The following DYNC1H1 variants were observed in gnomAD, a reference collection of about 807,000 sequenced individuals.
The protein encoded by DYNC1H1 is cytoplasmic dynein 1 heavy chain 1.
In DYNC1H1, 51 loss-of-function variants were observed where a neutral mutation model predicts 527.1. The ratio of observed to expected loss-of-function variants is 0.10; its 90% confidence interval spans 0.08 to 0.12. The LOEUF (loss-of-function observed/expected upper bound fraction) is 0.12. Among genes scored for constraint, DYNC1H1 ranks in the 10% least tolerant of loss-of-function variants. The pLI is 1.00. For missense variants in DYNC1H1, 2,771 were observed against 5,971.8 expected, an observed-to-expected ratio of 0.46 and a Z score of 17.66; for synonymous variants, 2,189 against 2,278.8, an observed-to-expected ratio of 0.96 and a Z score of 1.12.
Position 102,010,643 on chromosome 14 carries a change from T to C in DYNC1H1, c.6406-97T>C. Reference sequence around the variant, plus strand: ...GTGGGCGAGTGGTGCTCGCACCCTTTGTTCACCAACAGTTACTGATCACGC... The same window carrying C: ...GTGGGCGAGTGGTGCTCGCACCCTTCGTTCACCAACAGTTACTGATCACGC... On this transcript the variant is annotated intron_variant, in intron 31 of 77. Coordinates refer to ENST00000360184, the MANE Select transcript of DYNC1H1 (RefSeq NM_001376.5). The surrounding 1 kb of genome is among the most constrained non-coding windows in gnomAD (Gnocchi z 6.0). 2 of 1,554,728 alleles carry C rather than the reference T, an allele frequency of 1.3e-6. No individual in the cohort carries two copies. Among genetic ancestry groups the C allele is most frequent in the South Asian group, 2.3e-5 (2 of 88,222 alleles).
chr14:102,013,945 G>A (rs1184020633), intron 34 of DYNC1H1, among the ~76,000 whole-genome samples: 2 of 152,174 alleles, frequency 1.3e-5, no homozygotes, highest in African/African-American at 4.8e-5. Context: ...ATGATGCGAG[G>A]TTTCTGGCCT....
intron 42 of DYNC1H1, among the ~76,000 whole-genome samples, chr14:102,022,358 T>C (rs2048394230): frequency 6.6e-6 from 1 of 150,784 alleles, no homozygotes; most frequent in Non-Finnish European, 1.5e-5. Context: ...AAAAAAAAAT[T>C]AGCCAGCCTT....
chr14:102,006,682 C>T (rs1220036651), intron 27 of DYNC1H1, among the ~76,000 whole-genome samples: 1 of 151,076 alleles, frequency 6.6e-6, no homozygotes, highest in Non-Finnish European at 1.5e-5. Flanking sequence ...CTCATTGCAA[C>T]CTCTGCCTCC....
In DYNC1H1 at chr14:102,012,128, A is replaced by G; in HGVS notation, c.6857+15A>G. On this transcript the variant is annotated intron_variant, in intron 33 of 77. Coordinates refer to ENST00000360184, the MANE Select transcript of DYNC1H1 (RefSeq NM_001376.5). The surrounding 1 kb of genome is among the most constrained non-coding windows in gnomAD (Gnocchi z 4.9). ...GTGCTGAGAAAGTACGTCTTCTTTG[A>G]TCTGTGTTTGTGTTCTCCTGGATAT... 6.2e-7 allele frequency: 1 copy of G among 1,613,982 alleles called. No individual in the cohort carries two copies. The highest frequency in any genetic ancestry group is 2.2e-5 in the East Asian group (1 of 44,882).
In DYNC1H1 at chr14:101,986,115, T is replaced by C; in HGVS notation, c.1890T>C (p.Ser630=). 1 of 1,613,948 alleles carries C rather than the reference T, an allele frequency of 6.2e-7. No homozygotes were observed. ...AGTTCAAGGTCCAGTACCCACAGAG[T>C]CAGGCTTGTAAGATGAGTCACGTTC... ...HDKFKVQYPQ[S]QACKMSHVRD... Residue 630 remains serine (S), a synonymous_variant, in exon 8 of 78, where the codon AGT becomes AGC. Transcript: ENST00000360184. This position sits in a 1 kb window ranked among gnomAD's most constrained non-coding sequence, Gnocchi z 8.7.
chr14:102,006,013 G>A lies in DYNC1H1; in HGVS notation c.5559G>A (p.Val1853=), dbSNP rs1399921525. ...ACTTTGACCCTAAGCAAACTGATGTGTTACAGCAGTTGTCAATTCAAATGG... is the reference window on the plus strand; with the variant it reads ...ACTTTGACCCTAAGCAAACTGATGTATTACAGCAGTTGTCAATTCAAATGG... ...RFYFDPKQTD[V]LQQLSIQMAN... Residue 1853 remains valine, a synonymous_variant, in exon 27 of 78, where the codon GTG becomes GTA. Transcript: ENST00000360184. 1.1e-5 allele frequency: 18 copies of A among 1,614,114 alleles called. No homozygotes were observed. The highest frequency in any genetic ancestry group is 1.6e-4 in the Middle Eastern group (1 of 6,084).
At position 102,039,764 on chromosome 14, in the gene DYNC1H1, A is replaced by C; in HGVS notation, c.11690+32A>C. On this transcript the variant is annotated intron_variant, in intron 62 of 77. Coordinates refer to ENST00000360184, the MANE Select transcript of DYNC1H1 (RefSeq NM_001376.5). The surrounding 1 kb of genome is among the most constrained non-coding windows in gnomAD (Gnocchi z 7.0). ...GCACTCACGCCCACAGGAGGATGCC[A>C]TATTGCTGGTGGCCCCCAAGGGTTT... The C allele has an allele frequency of 6.2e-7, 1 of 1,611,704 alleles. No individual in the cohort carries two copies. Among genetic ancestry groups the C allele is most frequent in the Non-Finnish European group, 8.5e-7 (1 of 1,178,032 alleles).
chr14:101,987,117 G>A (rs1448834357), intron 8 of DYNC1H1, among the ~76,000 whole-genome samples: 1 of 152,270 alleles, frequency 6.6e-6, no homozygotes. Context: ...CAGCGGACCA[G>A]ATGCATACGA....
chr14:102,015,743 A>T lies in DYNC1H1; in HGVS notation c.7243-113A>T. On this transcript the variant is annotated intron_variant, in intron 35 of 77. Transcript: ENST00000360184. The surrounding 1 kb of genome is among the most constrained non-coding windows in gnomAD (Gnocchi z 6.9). ...AATGAGGACTGGTCATTGAAGCTTC[A>T]TCCAAAATGAGTTTTCCAAGGTCGT... 8.4e-7 allele frequency: 1 copy of T among 1,186,630 alleles called. No homozygotes were observed. Among genetic ancestry groups the T allele is most frequent in the Admixed American group, 2.0e-5 (1 of 50,550 alleles). The allele number at this position is 1,186,630 out of a possible 1,614,324, so 73.5% of individuals were successfully genotyped here. A position where few individuals can be genotyped will look rare whatever the true frequency, so the allele number is the denominator to read the frequency against.
Position 102,033,261 on chromosome 14 carries a change from C to G in DYNC1H1, c.10198-8C>G. The G allele has an allele frequency of 6.2e-7, 1 of 1,614,194 alleles. No individual in the cohort carries two copies. Among genetic ancestry groups the G allele is most frequent in the Non-Finnish European group, 8.5e-7 (1 of 1,180,042 alleles). ...CTTAAATAACAGTTATCAATTGGTT[C>G]TTCCCAGCTTAACTATGCAGACATG... On this transcript the variant is annotated splice_region_variant and splice_polypyrimidine_tract_variant and intron_variant, in intron 53 of 77. Coordinates refer to ENST00000360184, the MANE Select transcript of DYNC1H1 (RefSeq NM_001376.5). This position sits in a 1 kb window ranked among gnomAD's most constrained non-coding sequence, Gnocchi z 5.6.
intron 16 of DYNC1H1, among the ~76,000 whole-genome samples, chr14:101,998,275 C>G: frequency 6.7e-6 from 1 of 149,284 alleles, no homozygotes; most frequent in South Asian, 2.2e-4. Context: ...TCTATAAACG[C>G]TGATCCGATA....
At position 102,011,901 on chromosome 14, in the gene DYNC1H1, G is replaced by A; in HGVS notation, c.6645G>A (p.Gln2215=). Residue 2215 remains glutamine (Q), a synonymous_variant, in exon 33 of 78, where the codon CAG becomes CAA. Coordinates refer to ENST00000360184, the MANE Select transcript of DYNC1H1 (RefSeq NM_001376.5). This position sits in a 1 kb window ranked among gnomAD's most constrained non-coding sequence, Gnocchi z 5.3. ...EKVLQLYQIT[Q]INHGLMMVGP... is the part of the protein sequence containing the mutation. ...TTCTCCAGCTCTATCAGATCACCCA[G>A]ATCAATCATGGCCTGATGATGGTGG... 6.2e-7 allele frequency: 1 copy of A among 1,614,166 alleles called. No individual in the cohort carries two copies.
In DYNC1H1 at chr14:101,997,395, C is replaced by T. The variant is rs1237347011; in HGVS notation, c.3804+121C>T. The T allele has an allele frequency of 2.6e-6, 4 of 1,523,124 alleles. No individual in the cohort carries two copies. The highest frequency in any genetic ancestry group is 3.5e-6 in the Non-Finnish European group (4 of 1,128,048). 94.4% of individuals were successfully genotyped at this position (1,523,124 alleles called of 1,614,324 possible). A position where few individuals can be genotyped will look rare whatever the true frequency, so the allele number is the denominator to read the frequency against. ...CTTTCTAGTATTGAAGACTCTTTTC[C>T]TTTTTGTAGTTAAAAAAGCAGATGG... On this transcript the variant is annotated intron_variant, in intron 16 of 77. Coordinates refer to ENST00000360184, the MANE Select transcript of DYNC1H1 (RefSeq NM_001376.5). This position sits in a 1 kb window ranked among gnomAD's most constrained non-coding sequence, Gnocchi z 4.8.
Position 102,010,494 on chromosome 14 carries a change from T to C in DYNC1H1, c.6405+35T>C, listed in dbSNP as rs761094449. On this transcript the variant is annotated intron_variant, in intron 31 of 77. Coordinates refer to ENST00000360184, the MANE Select transcript of DYNC1H1 (RefSeq NM_001376.5). The surrounding 1 kb of genome is among the most constrained non-coding windows in gnomAD (Gnocchi z 6.0). ...AAACGTTTTGATCACTCAAACCTTATACGTTATTTAAATTTACCTTTTTAA... is the reference window on the plus strand; with the variant it reads ...AAACGTTTTGATCACTCAAACCTTACACGTTATTTAAATTTACCTTTTTAA... 4 of 1,609,358 alleles carry C rather than the reference T, an allele frequency of 2.5e-6. No homozygotes were observed. Among genetic ancestry groups the C allele is most frequent in the African/African-American group, 2.7e-5 (2 of 74,568 alleles).
rs567284394 is a variant in DYNC1H1 at position 101,975,938 on chromosome 14, G to A, written c.344+139G>A. ...TTTTTTTTTTTTGAGACGGAGTTTC[G>A]CTCTTGTTGCCCAGGCTGGAGTACA... On this transcript the variant is annotated intron_variant, in intron 2 of 77. Transcript: ENST00000360184. 358 of 684,622 alleles carry A rather than the reference G, an allele frequency of 5.2e-4. 1 individual carries two copies. The African/African-American group carries it at 6.2e-3, about 12-fold the overall frequency. 42.4% of individuals were successfully genotyped at this position (684,622 alleles called of 1,614,324 possible).
In DYNC1H1 at chr14:102,050,598, G is replaced by A. The variant is rs747226477; in HGVS notation, c.*35G>A. The stretch of plus-strand genomic sequence containing the variant: ...GCTGCCCCTTTCTGTAATAGTGAAA[G>A]TTGGTATTTAACATTTATTCATTTT... On this transcript the variant is annotated 3_prime_UTR_variant, in exon 78 of 78. Transcript: ENST00000360184. The A allele has an allele frequency of 1.9e-6, 3 of 1,614,096 alleles. No homozygotes were observed. The Admixed American group carries it at 5.0e-5, about 27-fold the overall frequency.
Position 101,983,300 on chromosome 14 carries a change from AATAT to A in DYNC1H1, c.1233+14_1233+17del. 6.2e-7 allele frequency: 1 copy of A among 1,614,234 alleles called. No homozygotes were observed. The highest frequency in any genetic ancestry group is 8.5e-7 in the Non-Finnish European group (1 of 1,180,042). ...TGAAGAATTTGAAAAAGTAAGTTTGAATATATAAGACAACCAACCTCAAGACATT... is the reference window on the plus strand; with the variant it reads ...TGAAGAATTTGAAAAAGTAAGTTTGAATAAGACAACCAACCTCAAGACATT... On this transcript the variant is annotated intron_variant, in intron 6 of 77. Transcript: ENST00000360184. The surrounding 1 kb of genome is among the most constrained non-coding windows in gnomAD (Gnocchi z 5.3).
At chr14:101,982,910 T>C in intron 5 of DYNC1H1, 109 bp from the exon 6 acceptor site, 1 of 1,305,590 alleles carries the variant, frequency 7.7e-7, no homozygotes, top group Admixed American at 1.8e-5. Context: ...AGTTTTTGTC[T>C]CGCTAGATAT....
At position 101,995,109 on chromosome 14, in the gene DYNC1H1, G is replaced by A. The variant is rs1444501261; in HGVS notation, c.3444+13G>A. On this transcript the variant is annotated intron_variant, in intron 14 of 77. Transcript: ENST00000360184. The stretch of plus-strand genomic sequence containing the variant: ...CCAGATCTCAAAGGTGAGGACATAG[G>A]ATTCTGCCTCTGTAACCGGTCTACT... The A allele has an allele frequency of 6.2e-7, 1 of 1,614,150 alleles. No individual in the cohort carries two copies. Among genetic ancestry groups the A allele is most frequent in the Admixed American group, 1.7e-5 (1 of 60,024 alleles).
Sources: allele counts gnomAD v4.1 joint callset (sites outside exome capture counted in the v4.1 genomes callset), GRCh38; gene constraint gnomAD v4.1.1; non-coding constraint Gnocchi (gnomAD v3.1); transcripts MANE v1.5; gene names NCBI Gene and HGNC (gene_info 2026-07-23, HGNC 2026-07-21).